The following NECTIN3 variants were observed in gnomAD, a reference collection of about 807,000 sequenced individuals.
NECTIN3 encodes the protein nectin-3.
NECTIN3 carries 8 observed loss-of-function variants against 49.4 expected under a neutral mutation model. That is an observed-to-expected ratio of 0.16 (90% CI 0.10 to 0.29). NECTIN3 has a LOEUF of 0.29. NECTIN3 is among the 10% of genes least tolerant of loss of function. The pLI, the probability that NECTIN3 is intolerant of heterozygous loss-of-function variation, is 1.00. For synonymous variants in NECTIN3, 277 were observed against 241.1 expected (o/e 1.15, Z -1.38); for missense variants, 581 against 654.6 (o/e 0.89, Z 1.23).
chr3:111,135,726 A>G lies in NECTIN3; in HGVS notation c.*1511A>G, dbSNP rs1411388802. The G allele has an allele frequency of 1.0e-6, 1 of 960,934 alleles. No individual in the cohort carries two copies. The highest frequency in any genetic ancestry group is 1.2e-6 in the Non-Finnish European group (1 of 807,958). The allele number at this position is 960,934 out of a possible 1,614,324, so 59.5% of individuals were successfully genotyped here. ...ACCAGCCCTTTCTCAATATTCATCA[A>G]ATCTAAAACATTTAGGGGGCAAAAT... On this transcript the variant is annotated 3_prime_UTR_variant, in exon 6 of 6. Transcript: ENST00000485303.
Position 111,173,295 on chromosome 3 carries a change from T to C in NECTIN3, c.1222-19056T>C, listed in dbSNP as rs1259927532. On this transcript the variant is annotated intron_variant, in intron 7 of 8. Transcript: ENST00000493615. ...ATAACATTTAGCCCCTCCCATTTTC[T>C]TACATCTCATTATCAAGACATGAAC... is the stretch of plus-strand genomic sequence containing the variant. Among the ~76,000 whole-genome samples the C allele has an allele frequency of 2.0e-5, 3 of 152,212 alleles. No individual in the cohort carries two copies. In the East Asian group the frequency reaches 5.8e-4, roughly 29 times the overall value.
At chr3:111,149,519 T>C (rs1393887074) in intron 7 of NECTIN3, among the ~76,000 whole-genome samples, 1 of 148,940 alleles carries the variant, frequency 6.7e-6, no homozygotes, top group Non-Finnish European at 1.5e-5. Context: ...AGAATCTCTT[T>C]TCTGGTACGT....
chr3:111,154,433 A>G (rs572404360), intron 7 of NECTIN3, among the ~76,000 whole-genome samples: 3 of 152,124 alleles, frequency 2.0e-5, no homozygotes, highest in Non-Finnish European at 4.4e-5. Context: ...CCAGTTTGGG[A>G]CTATTACAAA....
At chr3:111,173,255 C>G (rs1280485063) in intron 7 of NECTIN3, among the ~76,000 whole-genome samples, 1 of 152,196 alleles carries the variant, frequency 6.6e-6, no homozygotes, top group East Asian at 1.9e-4. Context: ...GACCAGTGAT[C>G]TTTTCCTCCA....
At chr3:111,111,786 A>G (rs1170074373) in intron 1 of NECTIN3, among the ~76,000 whole-genome samples, 2 of 152,028 alleles carry the variant, frequency 1.3e-5, no homozygotes, top group African/African-American at 4.8e-5. Context: ...AATTTATTTG[A>G]CAGTCACATT....
At position 111,133,984 on chromosome 3, in the gene NECTIN3, A is replaced by G. The variant is rs989374043; in HGVS notation, c.1419A>G (p.Glu473=). Residue 473 remains glutamate, a synonymous_variant, in exon 6 of 6, where the codon GAA becomes GAG. Coordinates refer to ENST00000485303, the MANE Select transcript of NECTIN3 (RefSeq NM_015480.3). ...LDSYPDSVKK[E]NKNPVNNLIR... ...CTTACCCAGACAGTGTAAAAAAAGAAAACAAAAATCCAGTGAACAATCTAA... is the reference window on the plus strand; with the variant it reads ...CTTACCCAGACAGTGTAAAAAAAGAGAACAAAAATCCAGTGAACAATCTAA... The G allele has an allele frequency of 3.7e-6, 6 of 1,613,182 alleles. No homozygotes were observed. The highest frequency in any genetic ancestry group is 5.1e-6 in the Non-Finnish European group (6 of 1,179,718).
chr3:111,160,548 G>A (rs886941265), intron 7 of NECTIN3, among the ~76,000 whole-genome samples: 1 of 151,938 alleles, frequency 6.6e-6, no homozygotes, highest in African/African-American at 2.4e-5. Context: ...TATTTTTACC[G>A]ATATTTCATA....
chr3:111,133,539 C>T (rs1576148297), intron 5 of NECTIN3, 96 bp from the exon 6 acceptor site: 14 of 1,441,714 alleles, frequency 9.7e-6, no homozygotes, highest in Non-Finnish European at 1.2e-5. Flanking sequence ...AATATATATT[C>T]ATTAACTGTG....
rs755325649 is a variant in NECTIN3, at chr3:111,134,006, C to G, written c.1441C>G (p.Leu481Val). The G allele has an allele frequency of 3.7e-6, 6 of 1,612,828 alleles. No individual in the cohort carries two copies. The African/African-American group carries it at 5.4e-5, about 14-fold the overall frequency. The change falls in exon 6 of 6, where the codon CTA (leucine) becomes GTA (valine). Residue 481 changes from leucine to valine, a missense_variant. This residue lies in a region of NECTIN3 where 238 missense variants were observed against 244.9 expected (regional missense o/e 0.97). Coordinates refer to ENST00000485303, the MANE Select transcript of NECTIN3 (RefSeq NM_015480.3). ...KKENKNPVNN[L>V]IRKDYLEEPE... ...AGAAAACAAAAATCCAGTGAACAAT[C>G]TAATACGTAAAGACTATTTAGAAGA...
At chr3:111,138,032 T>C (rs2034643449), downstream of NECTIN3, among the ~76,000 whole-genome samples, 1 of 151,628 alleles carries the variant, frequency 6.6e-6, no homozygotes, top group Admixed American at 6.6e-5. Flanking sequence ...ATTTTATATG[T>C]TTTTGCTATT....
intron 7 of NECTIN3, among the ~76,000 whole-genome samples, chr3:111,185,263 CTT>C (rs1399152284): frequency 6.6e-6 from 1 of 152,078 alleles, no homozygotes; most frequent in East Asian, 1.9e-4. Flanking sequence ...GAATTTTTCT[CTT>C]CTTACGTCAC....
chr3:111,081,536 A>G (rs753654232), intron 1 of NECTIN3, among the ~76,000 whole-genome samples: 1 of 152,242 alleles, frequency 6.6e-6, no homozygotes, highest in African/African-American at 2.4e-5. Context: ...AATTGCTATG[A>G]AATTAAATTG....
At chr3:111,125,794 T>C (rs1165391102) in intron 4 of NECTIN3, among the ~76,000 whole-genome samples, 2 of 152,192 alleles carry the variant, frequency 1.3e-5, no homozygotes, top group African/African-American at 2.4e-5. Flanking sequence ...AAATTGTAGA[T>C]ATGTCATGAA....
chr3:111,115,437 T>G (rs2033651622), intron 2 of NECTIN3, among the ~76,000 whole-genome samples: 1 of 152,344 alleles, frequency 6.6e-6, no homozygotes, highest in South Asian at 2.1e-4. Context: ...TCTCAGCCCC[T>G]TGCTGTTTAA....
At chr3:111,181,310 G>A (rs1321089711) in intron 7 of NECTIN3, among the ~76,000 whole-genome samples, 2 of 152,092 alleles carry the variant, frequency 1.3e-5, no homozygotes, top group Non-Finnish European at 2.9e-5. Flanking sequence ...TTGTTTTATT[G>A]CTGAGAAGTG....
At chr3:111,091,075 G>A (rs918501817) in intron 1 of NECTIN3, among the ~76,000 whole-genome samples, 1 of 151,946 alleles carries the variant, frequency 6.6e-6, no homozygotes. Flanking sequence ...ATAGAGTTAT[G>A]CAGCTATCAC....
In NECTIN3 at chr3:111,136,716, A is replaced by G. The variant is rs111877456; in HGVS notation, c.*2501A>G. On this transcript the variant is annotated 3_prime_UTR_variant, in exon 6 of 6. Coordinates refer to ENST00000485303, the MANE Select transcript of NECTIN3 (RefSeq NM_015480.3). ...TTGTACTATTTTTGGCCATATTTATATTTATTTCTTTCATATGGTTTGAAC... is the reference window on the plus strand; with the variant it reads ...TTGTACTATTTTTGGCCATATTTATGTTTATTTCTTTCATATGGTTTGAAC... The G allele has an allele frequency of 0.014, 12,495 of 918,720 alleles. 83 individuals are homozygous for G. Among genetic ancestry groups the G allele is most frequent in the Non-Finnish European group, 0.015 (11,774 of 769,586 alleles). The allele number at this position is 918,720 out of a possible 1,614,324, so 56.9% of individuals were successfully genotyped here. A position where few individuals can be genotyped will look rare whatever the true frequency, so the allele number is the denominator to read the frequency against.
chr3:111,153,812 T>C (rs758191411), intron 7 of NECTIN3, among the ~76,000 whole-genome samples: 1 of 151,828 alleles, frequency 6.6e-6, no homozygotes, highest in African/African-American at 2.4e-5. Context: ...TAGTGTTTAG[T>C]TTTTTTTCTT....
At chr3:111,092,934 G>A (rs558946954) in intron 1 of NECTIN3, among the ~76,000 whole-genome samples, 3 of 152,314 alleles carry the variant, frequency 2.0e-5, no homozygotes, top group Non-Finnish European at 2.9e-5. Context: ...GTTGATACAT[G>A]AACATGGGAT....
Sources: gnomAD v4.1 joint callset for allele counts (sites outside exome capture counted in the v4.1 genomes callset) on GRCh38, gnomAD v4.1.1 for gene constraint, gnomAD v4.1.1 regional missense constraint, MANE v1.5 for transcripts, NCBI Gene and HGNC (gene_info 2026-07-23, HGNC 2026-07-21) for gene names.